MKRN2OS: variants seen among roughly 807,000 people sequenced by gnomAD.
MKRN2OS encodes the protein MKRN2 opposite strand.
A neutral mutation model predicts 18.2 loss-of-function variants in MKRN2OS; 17 were observed. That is an observed-to-expected ratio of 0.93 (90% CI 0.64 to 1.40). MKRN2OS has a LOEUF of 1.40. Ranked by LOEUF, MKRN2OS falls within the 40% of genes most tolerant of loss-of-function variation. The pLI, the probability that MKRN2OS is intolerant of heterozygous loss-of-function variation, is 0.00. For synonymous variants in MKRN2OS, 121 were observed against 108.5 expected (o/e 1.12, Z -0.72); for missense variants, 337 against 283.0 (o/e 1.19, Z -1.37).
chr3:12,543,016 T>C (rs891905071), intron 2 of MKRN2OS, among the ~76,000 whole-genome samples, 164 bp downstream of exon 2: 1 of 152,218 alleles, frequency 6.6e-6, no homozygotes, highest in African/African-American at 2.4e-5. Context: ...TGCCATAAAG[T>C]CAAATATTTC....
intron 1 of MKRN2OS, among the ~76,000 whole-genome samples, chr3:12,555,595 G>GT (rs1163269931): frequency 6.6e-6 from 1 of 152,192 alleles, no homozygotes; most frequent in Non-Finnish European, 1.5e-5. Context: ...AAAGAAGGCA[G>GT]ACAAAAGCGT....
chr3:12,545,186 G>A, intron 1 of MKRN2OS, 61 bp downstream of exon 1: 1 of 1,319,150 alleles, frequency 7.6e-7, no homozygotes, highest in South Asian at 1.5e-5. Flanking sequence ...GGAAACTTTA[G>A]TGACTAAAAC....
At chr3:12,551,047 A>G (rs2125294168), downstream of MKRN2OS, among the ~76,000 whole-genome samples, 1 of 151,886 alleles carries the variant, frequency 6.6e-6, no homozygotes, top group South Asian at 2.1e-4. Flanking sequence ...TCGGTGGGAC[A>G]TGACAGAGGC....
downstream of MKRN2OS, among the ~76,000 whole-genome samples, chr3:12,551,198 A>T (rs1356307119): frequency 6.6e-6 from 1 of 151,682 alleles, no homozygotes; most frequent in Non-Finnish European, 1.5e-5. Context: ...CTTTATTAAA[A>T]AAAAAAAAAA....
upstream of MKRN2OS, among the ~76,000 whole-genome samples, chr3:12,546,981 G>A (rs964311106): frequency 2.6e-5 from 4 of 152,164 alleles, no homozygotes; most frequent in Middle Eastern, 3.2e-3. Flanking sequence ...GCTGGTGCAC[G>A]CCTGTAGTCC....
intron 1 of MKRN2OS, among the ~76,000 whole-genome samples, chr3:12,544,257 A>G (rs570493204): frequency 6.6e-6 from 1 of 152,314 alleles, no homozygotes; most frequent in Admixed American, 6.5e-5. Flanking sequence ...CATTAGACTA[A>G]TGATACGCAG....
At chr3:12,552,598 T>C (rs1173752010), downstream of MKRN2OS, among the ~76,000 whole-genome samples, 2 of 151,286 alleles carry the variant, frequency 1.3e-5, no homozygotes, top group Non-Finnish European at 3.0e-5. Flanking sequence ...TTTAGTAGGG[T>C]CGGGGTTTCT....
intron 1 of MKRN2OS, among the ~76,000 whole-genome samples, chr3:12,560,478 TAAAAAAAAAA>T (rs10651248): frequency 8.0e-6 from 1 of 124,970 alleles, no homozygotes; most frequent in Non-Finnish European, 1.7e-5. Context: ...TAGGAAAATG[TAAAAAAAAAA>T]AAAAAAAAAG....
chr3:12,559,671 A>G (rs1253582803), intron 1 of MKRN2OS, among the ~76,000 whole-genome samples: 1 of 152,174 alleles, frequency 6.6e-6, no homozygotes, highest in Non-Finnish European at 1.5e-5. Context: ...CTGCTCGTAC[A>G]GTTATGCTGT....
chr3:12,545,597 C>T (rs551378168), upstream of MKRN2OS: 1 of 639,360 alleles, frequency 1.6e-6, no homozygotes, highest in African/African-American at 1.8e-5. Context: ...CTTCAGAAGC[C>T]AAACCAGATA....
chr3:12,545,043 C>A (rs865967211), intron 1 of MKRN2OS, among the ~76,000 whole-genome samples: 1 of 152,200 alleles, frequency 6.6e-6, no homozygotes, highest in Non-Finnish European at 1.5e-5. Flanking sequence ...CACATATATT[C>A]TTGCACTTGT....
chr3:12,556,056 T>TA (rs2057967101), intron 1 of MKRN2OS, among the ~76,000 whole-genome samples: 1 of 152,246 alleles, frequency 6.6e-6, no homozygotes, highest in Non-Finnish European at 1.5e-5. Context: ...TTGGTGCACT[T>TA]ATATTGTGCA....
intron 1 of MKRN2OS, chr3:12,557,179 C>G (rs1479258254): frequency 6.5e-7 from 1 of 1,536,770 alleles, no homozygotes; most frequent in African/African-American, 1.4e-5. Flanking sequence ...ACTTGCAGGT[C>G]AGTGCGCTGG....
At chr3:12,558,967 A>G (rs1489487911) in intron 1 of MKRN2OS, among the ~76,000 whole-genome samples, 2 of 152,236 alleles carry the variant, frequency 1.3e-5, no homozygotes, top group African/African-American at 4.8e-5. Flanking sequence ...TTAGCTTCCA[A>G]GTGACAGAGG....
chr3:12,542,553 G>A (rs1311163372), intron 2 of MKRN2OS, among the ~76,000 whole-genome samples: 1 of 151,938 alleles, frequency 6.6e-6, no homozygotes, highest in East Asian at 1.9e-4. Context: ...GCCTGGGTAG[G>A]TGCCTCACCT....
At chr3:12,553,001 G>A (rs1320592582), downstream of MKRN2OS, among the ~76,000 whole-genome samples, 1 of 115,402 alleles carries the variant, frequency 8.7e-6, no homozygotes, top group African/African-American at 3.6e-5. Context: ...GGGTGACAAA[G>A]TGAGACCCGG....
intron 3 of MKRN2OS, among the ~76,000 whole-genome samples, 167 bp from the exon 4 acceptor site, chr3:12,540,600 G>T (rs989814127): frequency 4.6e-5 from 7 of 151,994 alleles, no homozygotes; most frequent in Non-Finnish European, 1.5e-5. Context: ...CAGGCCGGGT[G>T]CGGTGGCTCA....
At chr3:12,544,001 G>A (rs758413771) in intron 1 of MKRN2OS, among the ~76,000 whole-genome samples, 1 of 152,072 alleles carries the variant, frequency 6.6e-6, no homozygotes, top group African/African-American at 2.4e-5. Context: ...GCTTTATGAC[G>A]CCAGAGCCTG....
chr3:12,559,444 G>T (rs1251219034), intron 1 of MKRN2OS, among the ~76,000 whole-genome samples: 1 of 151,560 alleles, frequency 6.6e-6, no homozygotes, highest in Non-Finnish European at 1.5e-5. Context: ...TTGTTTTTTT[G>T]TTTTTTTTAA....
Sources: allele counts gnomAD v4.1 joint callset (sites outside exome capture counted in the v4.1 genomes callset), GRCh38; gene constraint gnomAD v4.1.1; transcripts MANE v1.5; gene names NCBI Gene and HGNC (gene_info 2026-07-23, HGNC 2026-07-21).